The following ZNF428 variants were observed in gnomAD, a reference collection of about 807,000 sequenced individuals.
The protein encoded by ZNF428 is zinc finger protein 428.
A neutral mutation model predicts 15.6 loss-of-function variants in ZNF428; 5 were observed. The observed-to-expected ratio is 0.32, with a 90% CI of 0.17 to 0.67. The LOEUF is 0.67. Among genes scored for constraint, ZNF428 ranks in the 30% least tolerant of loss-of-function variants. ZNF428 has a pLI of 0.73. For synonymous variants in ZNF428, 97 were observed against 102.2 expected (o/e 0.95, Z 0.31); for missense variants, 237 against 256.0 (o/e 0.93, Z 0.51).
chr19:43,617,755 TGC>T (rs1568536881), intron 1 of ZNF428, among the ~76,000 whole-genome samples: 15 of 152,232 alleles, frequency 9.9e-5, no homozygotes, highest in Non-Finnish European at 2.2e-4. Context: ...TTGCGAAGGC[TGC>T]TGTCAAATTC....
intron 2 of ZNF428, among the ~76,000 whole-genome samples, chr19:43,610,767 G>A (rs992950134): frequency 3.9e-5 from 6 of 151,958 alleles, no homozygotes; most frequent in South Asian, 2.1e-4. Flanking sequence ...CATCCTTTAG[G>A]ACCCAGTGGG....
At chr19:43,617,007 G>A (rs372997579) in intron 1 of ZNF428, among the ~76,000 whole-genome samples, 46 of 151,948 alleles carry the variant, frequency 3.0e-4, no homozygotes, top group African/African-American at 1.1e-3. Context: ...TGTCAGCCAG[G>A]CTGGTCTCAA....
intron 1 of ZNF428, among the ~76,000 whole-genome samples, chr19:43,615,073 A>G (rs1270057666): frequency 6.6e-6 from 1 of 152,072 alleles, no homozygotes; most frequent in Non-Finnish European, 1.5e-5. Context: ...TAGTTGCTGG[A>G]CCATGGGGAG....
chr19:43,617,234 C>T (rs1321488766), intron 1 of ZNF428, among the ~76,000 whole-genome samples: 1 of 152,050 alleles, frequency 6.6e-6, no homozygotes, highest in Non-Finnish European at 1.5e-5. Flanking sequence ...TCTCCCTCTT[C>T]ACCAACGGAC....
At position 43,614,359 on chromosome 19, in the gene ZNF428, C is replaced by T; in HGVS notation, c.-55G>A. ...AGAGCAGCAGCTGAGCAGCGTCCCT[C>T]CCCGGCCAGCTCTCCACAGCCACAC... On this transcript the variant is annotated 5_prime_UTR_variant, in exon 2 of 3. Coordinates refer to ENST00000300811, the MANE Select transcript of ZNF428 (RefSeq NM_182498.4). 6.5e-7 allele frequency: 1 copy of T among 1,540,184 alleles called. No individual in the cohort carries two copies.
chr19:43,610,977 G>T (rs1034932367), intron 2 of ZNF428, among the ~76,000 whole-genome samples: 6 of 152,088 alleles, frequency 3.9e-5, no homozygotes, highest in African/African-American at 1.4e-4. Context: ...CTTGGTATGG[G>T]CTGTTCCCCA....
intron 1 of ZNF428, among the ~76,000 whole-genome samples, chr19:43,615,762 T>G (rs1300656621): frequency 6.6e-6 from 1 of 152,040 alleles, no homozygotes; most frequent in African/African-American, 2.4e-5. Context: ...ATTTACTGGT[T>G]TATTATAGAG....
intron 2 of ZNF428, among the ~76,000 whole-genome samples, chr19:43,609,685 T>C (rs1004583561): frequency 1.3e-5 from 2 of 151,116 alleles, no homozygotes; most frequent in Non-Finnish European, 1.5e-5. Context: ...GAGGTTGCGA[T>C]GAGCCAATAT....
Position 43,607,802 on chromosome 19 carries a change from C to T in ZNF428, c.382G>A (p.Gly128Ser). 1.3e-6 allele frequency: 2 copies of T among 1,579,678 alleles called. No homozygotes were observed. The highest frequency in any genetic ancestry group is 1.7e-6 in the Non-Finnish European group (2 of 1,162,886). ...TCCTCTTCCTCCCCGAGGGCCCTGC[C>T]TTCAGGGGCTGGTGCTTCCTGGGGG... ...TAPQEAPAPE[G>S]RALGEEEEEP... Residue 128 changes from glycine (G) to serine (S), a missense_variant, in exon 3 of 3, where the codon GGC becomes AGC. Coordinates refer to ENST00000300811, the MANE Select transcript of ZNF428 (RefSeq NM_182498.4). The surrounding 1 kb of genome is among the most constrained non-coding windows in gnomAD (Gnocchi z 5.1).
intron 2 of ZNF428, among the ~76,000 whole-genome samples, chr19:43,611,453 G>C (rs1334577727): frequency 1.3e-5 from 2 of 151,982 alleles, no homozygotes; most frequent in African/African-American, 2.4e-5. Context: ...CCAAGTAGCT[G>C]GGATTACAAG....
chr19:43,609,742 CA>C (rs113961553), intron 2 of ZNF428, among the ~76,000 whole-genome samples: 112 of 129,654 alleles, frequency 8.6e-4, no homozygotes, highest in Admixed American at 9.3e-4. Context: ...ACTCCGTTCC[CA>C]AAAAAAAAAA....
chr19:43,611,724 TCTCTCGTATGGG>T (rs1448447360), intron 2 of ZNF428, among the ~76,000 whole-genome samples: 1 of 152,186 alleles, frequency 6.6e-6, no homozygotes, highest in Non-Finnish European at 1.5e-5. Context: ...GGTCAGTGTC[TCTCTCGTATGGG>T]CTCCCCGGCC....
chr19:43,607,854 G>A lies in ZNF428; in HGVS notation c.330C>T (p.Pro110=). Reference sequence around the variant, plus strand: ...CTGTAGCAGGGCAGCAGAGCCGGCAGGGTGGGGTTCCCGGTGGGGCCTCCC... The same window carrying A: ...CTGTAGCAGGGCAGCAGAGCCGGCAAGGTGGGGTTCCCGGTGGGGCCTCCC... ...PLGEAPPGTP[P]CRLCCPATAP... is the part of the protein sequence containing the mutation. The change falls in exon 3 of 3, where the codon CCC becomes CCT. Residue 110 remains proline (P), a synonymous_variant. Coordinates refer to ENST00000300811, the MANE Select transcript of ZNF428 (RefSeq NM_182498.4). The surrounding 1 kb of genome is among the most constrained non-coding windows in gnomAD (Gnocchi z 5.1). The A allele has an allele frequency of 1.3e-6, 2 of 1,557,270 alleles. No homozygotes were observed. Among genetic ancestry groups the A allele is most frequent in the Non-Finnish European group, 1.7e-6 (2 of 1,150,196 alleles).
In ZNF428 at chr19:43,612,442, C is replaced by T. The variant is rs1300507329; in HGVS notation, c.76+1787G>A. On this transcript the variant is annotated intron_variant, in intron 2 of 2. Coordinates refer to ENST00000300811, the MANE Select transcript of ZNF428 (RefSeq NM_182498.4). This position sits in a 1 kb window ranked among gnomAD's most constrained non-coding sequence, Gnocchi z 4.2. ...GGACCAGCAAAGCCAGCAAGGCCAG[C>T]GACGTGAGATGCCACCAGCGGAGGG... 8.4e-6 allele frequency: 13 copies of T among 1,551,238 alleles called. No individual in the cohort carries two copies. The highest frequency in any genetic ancestry group is 2.0e-5 in the Admixed American group (1 of 50,944).
chr19:43,613,813 CAA>C (rs1973339600), intron 2 of ZNF428: 1 of 1,549,274 alleles, frequency 6.5e-7, no homozygotes, highest in South Asian at 1.2e-5. Flanking sequence ...GAAGCCCCAG[CAA>C]AGAGAGAGAT....
At chr19:43,616,812 CTTTT>C (rs773874043) in intron 1 of ZNF428, among the ~76,000 whole-genome samples, 1 of 138,376 alleles carries the variant, frequency 7.2e-6, no homozygotes, top group Non-Finnish European at 1.6e-5. Flanking sequence ...CCTCCTCCTC[CTTTT>C]TTTTTTTTTT....
rs537668056 is a variant in ZNF428, at chr19:43,613,209, G to T, written c.76+1020C>A. 1.2e-5 allele frequency: 19 copies of T among 1,551,684 alleles called. 1 individual carries two copies. In the South Asian group the frequency reaches 2.3e-4, roughly 18 times the overall value. ...TGGTCTAGAAACCCCAGCAAGGAAA[G>T]AAGTCATAGCCATTCCAGAAGCTCC... On this transcript the variant is annotated intron_variant, in intron 2 of 2. Transcript: ENST00000300811.
intron 1 of ZNF428, 143 bp from the exon 2 acceptor site, chr19:43,614,577 G>A: frequency 3.2e-6 from 2 of 633,452 alleles, no homozygotes; most frequent in Non-Finnish European, 4.6e-6. Flanking sequence ...ACAGGGTCTT[G>A]ACTGCAAGCC....
At position 43,608,104 on chromosome 19, in the gene ZNF428, G is replaced by C; in HGVS notation, c.80C>G (p.Pro27Arg). 1 of 1,610,736 alleles carries C rather than the reference G, an allele frequency of 6.2e-7. No individual in the cohort carries two copies. The highest frequency in any genetic ancestry group is 8.5e-7 in the Non-Finnish European group (1 of 1,178,160). The change falls in exon 3 of 3, where the codon CCC (proline) becomes CGC (arginine). Residue 27 changes from proline to arginine, a missense_variant. Transcript: ENST00000300811. ...GTATTCTGAATCAGAGGAATGCTCG[G>C]GGCCTGGAGGGGGACAGACAGGGGA... ...EEDDEDLSPGPEHSSDSEYTL... is the reference protein window; with the variant it reads ...EEDDEDLSPGREHSSDSEYTL...
Sources: allele counts gnomAD v4.1 joint callset (sites outside exome capture counted in the v4.1 genomes callset), GRCh38; gene constraint gnomAD v4.1.1; non-coding constraint Gnocchi (gnomAD v3.1); transcripts MANE v1.5; gene names NCBI Gene and HGNC (gene_info 2026-07-23, HGNC 2026-07-21).